CSMD1: variants seen among roughly 807,000 people sequenced by gnomAD.
CSMD1 encodes the protein CUB and sushi domain-containing protein 1.
In CSMD1, 213 loss-of-function variants were observed where a neutral mutation model predicts 417.5. The ratio of observed to expected loss-of-function variants is 0.51; its 90% CI spans 0.46 to 0.57. The LOEUF (loss-of-function observed/expected upper bound fraction) is 0.57, where lower values mean the gene tolerates loss of function less well. CSMD1 is among the 20% of genes least tolerant of loss of function. The pLI is 0.00. For missense variants in CSMD1, 6,923 were observed against 4,529.7 expected, an observed-to-expected ratio of 1.53 and a Z score of -15.17; for synonymous variants, 2,862 against 1,736.8, an observed-to-expected ratio of 1.65 and a Z score of -16.11.
chr8:4,032,071 A>G lies in CSMD1; in HGVS notation c.444T>C (p.Pro148=). ...EVLPSHTCGN[P]GEILKGVLHG... ...GCAGAACTCCTTTCAGGATTTCTCC[A>G]GGATTTCCACAAGTGTGGCTAGGTA... The change falls in exon 4 of 70, where the codon CCT becomes CCC. Residue 148 remains proline, a synonymous_variant. Coordinates refer to ENST00000635120, the MANE Select transcript of CSMD1 (RefSeq NM_033225.6). 1.2e-6 allele frequency: 2 copies of G among 1,613,432 alleles called. No homozygotes were observed. Among genetic ancestry groups the G allele is most frequent in the East Asian group, 2.2e-5 (1 of 44,864 alleles).
intron 2 of CSMD1, among the ~76,000 whole-genome samples, chr8:4,593,477 T>C (rs921606032): frequency 3.3e-5 from 5 of 152,154 alleles, no homozygotes; most frequent in African/African-American, 7.2e-5. Context: ...AAGTGAAACA[T>C]AAAAGAGAAC....
chr8:3,736,264 C>G (rs1220377210), intron 6 of CSMD1, among the ~76,000 whole-genome samples: 4 of 151,898 alleles, frequency 2.6e-5, no homozygotes, highest in African/African-American at 9.7e-5. Flanking sequence ...TTGTTTTTGA[C>G]AGGGTCTCAC....
intron 3 of CSMD1, among the ~76,000 whole-genome samples, chr8:4,398,388 C>CTTTTTTTTTTTTT (rs767579097): frequency 8.7e-6 from 1 of 114,492 alleles, no homozygotes; most frequent in African/African-American, 3.5e-5. Context: ...GCTGCAACTT[C>CTTTTTTTTTTTTT]TTTTTTTTTT....
At chr8:3,559,226 A>T (rs1799361058) in intron 10 of CSMD1, among the ~76,000 whole-genome samples, 2 of 152,236 alleles carry the variant, frequency 1.3e-5, no homozygotes, top group Admixed American at 1.3e-4. Flanking sequence ...AATGTGCAAC[A>T]ACATTACCAT....
rs531955725 is a variant in CSMD1 at position 4,001,095 on chromosome 8, T to C, written c.611-2985A>G. Among the ~76,000 whole-genome samples, 4 of 152,206 alleles carry C rather than the reference T, an allele frequency of 2.6e-5. No individual in the cohort carries two copies. The South Asian group carries it at 8.3e-4, about 32-fold the overall frequency. On this transcript the variant is annotated intron_variant, in intron 4 of 69. Transcript: ENST00000635120. ...GACATCAAATGATTATGAATTTTTGTCATGGCAGTCGATGAGCTGAATCAC... is the reference window on the plus strand; with the variant it reads ...GACATCAAATGATTATGAATTTTTGCCATGGCAGTCGATGAGCTGAATCAC...
At chr8:3,737,522 T>G (rs1796585033) in intron 6 of CSMD1, among the ~76,000 whole-genome samples, 1 of 152,226 alleles carries the variant, frequency 6.6e-6, no homozygotes, top group African/African-American at 2.4e-5. Context: ...TTACTTACAC[T>G]GTTACTGGTT....
In CSMD1 at chr8:4,874,309, GTTTAT is replaced by G. The variant is rs538166794; in HGVS notation, c.85+120018_85+120022del. Reference sequence around the variant, plus strand: ...AATCTAAATTTCTATTTATCAATTAGTTTATTTTAATTTGCAGTACTTATTAATAC... The same window carrying G: ...AATCTAAATTTCTATTTATCAATTAGTTTAATTTGCAGTACTTATTAATAC... On this transcript the variant is annotated intron_variant, in intron 1 of 69. Coordinates refer to ENST00000635120, the MANE Select transcript of CSMD1 (RefSeq NM_033225.6). Among the ~76,000 whole-genome samples, 141 of 151,072 alleles carry G rather than the reference GTTTAT, an allele frequency of 9.3e-4. 1 individual carries two copies. The highest frequency in any genetic ancestry group is 3.2e-3 in the African/African-American group (131 of 41,140).
chr8:3,724,138 C>T (rs1214857391), intron 6 of CSMD1, among the ~76,000 whole-genome samples: 1 of 51,642 alleles, frequency 1.9e-5, no homozygotes, highest in Admixed American at 1.9e-4. Flanking sequence ...CCTCTTTCAC[C>T]ATGCCAGACG....
At chr8:3,636,738 C>G (rs771595158) in intron 7 of CSMD1, among the ~76,000 whole-genome samples, 1 of 152,136 alleles carries the variant, frequency 6.6e-6, no homozygotes, top group Non-Finnish European at 1.5e-5. Context: ...GCTGGCTCAG[C>G]GAGGATGGCA....
At chr8:4,432,619 C>G (rs1296184845) in intron 2 of CSMD1, among the ~76,000 whole-genome samples, 1 of 152,082 alleles carries the variant, frequency 6.6e-6, no homozygotes, top group East Asian at 1.9e-4. Flanking sequence ...AACGAAGCCT[C>G]AGAGATCCTT....
At chr8:4,365,622 T>A (rs1802025506) in intron 3 of CSMD1, among the ~76,000 whole-genome samples, 1 of 152,234 alleles carries the variant, frequency 6.6e-6, no homozygotes, top group African/African-American at 2.4e-5. Context: ...ATTTGTTTAC[T>A]CTGAACACTA....
At chr8:3,594,082 A>G (rs1219705708) in intron 8 of CSMD1, among the ~76,000 whole-genome samples, 1 of 152,148 alleles carries the variant, frequency 6.6e-6, no homozygotes, top group African/African-American at 2.4e-5. Flanking sequence ...CACCTCCAAT[A>G]TCTAATATTC....
chr8:4,825,688 C>G (rs558645741), intron 1 of CSMD1, among the ~76,000 whole-genome samples: 235 of 150,618 alleles, frequency 1.6e-3, no homozygotes, highest in Non-Finnish European at 2.8e-3. Flanking sequence ...GAAAAGGCAA[C>G]CTACAGAATG....
intron 3 of CSMD1, among the ~76,000 whole-genome samples, chr8:4,226,141 T>G (rs1801342879): frequency 6.7e-6 from 1 of 149,718 alleles, no homozygotes; most frequent in African/African-American, 2.5e-5. Flanking sequence ...AGCATGAGAG[T>G]TTCATTTTTC....
Position 4,767,654 on chromosome 8 carries a change from C to T in CSMD1, c.86-130096G>A, listed in dbSNP as rs184567109. Among the ~76,000 whole-genome samples, 329 of 152,316 alleles carry T rather than the reference C, an allele frequency of 2.2e-3. 1 individual carries two copies. Among genetic ancestry groups the T allele is most frequent in the African/African-American group, 7.7e-3 (322 of 41,550 alleles). ...AGCTTCTTCGTCTTTCGTTATTCTA[C>T]ATTTAGCTACCCACAGTCACCTTTT... On this transcript the variant is annotated intron_variant, in intron 1 of 69. Coordinates refer to ENST00000635120, the MANE Select transcript of CSMD1 (RefSeq NM_033225.6).
At chr8:3,075,885 C>CAAAA (rs754691568) in intron 49 of CSMD1, among the ~76,000 whole-genome samples, 37 of 106,980 alleles carry the variant, frequency 3.5e-4, no homozygotes, top group Middle Eastern at 5.1e-3. Flanking sequence ...ACTAAAAATA[C>CAAAA]AAAAAAAAAA....
At chr8:3,746,913 G>A (rs535410441) in intron 6 of CSMD1, among the ~76,000 whole-genome samples, 62 of 152,326 alleles carry the variant, frequency 4.1e-4, no homozygotes, top group African/African-American at 1.5e-3. Flanking sequence ...AGTGGGTCAG[G>A]ACACTGGCCT....
intron 12 of CSMD1, among the ~76,000 whole-genome samples, chr8:3,433,396 G>A (rs1053428086): frequency 1.3e-5 from 2 of 152,118 alleles, no homozygotes; most frequent in African/African-American, 4.8e-5. Context: ...GGCATTAAGT[G>A]AACTACCCAC....
intron 3 of CSMD1, among the ~76,000 whole-genome samples, chr8:4,062,048 G>C (rs374940273): frequency 6.6e-6 from 1 of 152,152 alleles, no homozygotes; most frequent in Non-Finnish European, 1.5e-5. Context: ...AAAATGCAGA[G>C]TGCCAGCTGC....
Sources: allele counts gnomAD v4.1 joint callset (sites outside exome capture counted in the v4.1 genomes callset), GRCh38; gene constraint gnomAD v4.1.1; transcripts MANE v1.5; gene names NCBI Gene and HGNC (gene_info 2026-07-23, HGNC 2026-07-21).